The following IGSF10 variants were observed in gnomAD, a reference collection of about 807,000 sequenced individuals.
IGSF10 encodes the protein immunoglobulin superfamily member 10, also known as calvaria mechanical force protein 608.
In IGSF10, 126 loss-of-function variants were observed where a neutral mutation model predicts 128.2. The observed-to-expected ratio is 0.98, with a 90% CI of 0.85 to 1.14. IGSF10 has a LOEUF of 1.14. Ranked by LOEUF, IGSF10 falls within the 50% of genes most tolerant of loss-of-function variation. The pLI is 0.00. For synonymous variants in IGSF10, 1,185 were observed against 1,146.2 expected (o/e 1.03, Z -0.68); for missense variants, 3,295 against 3,149.8 (o/e 1.05, Z -1.10).
chr3:151,448,875 C>T lies in IGSF10; in HGVS notation c.1106G>A (p.Gly369Asp), dbSNP rs867458797. The T allele has an allele frequency of 3.1e-6, 5 of 1,614,084 alleles. No individual in the cohort carries two copies. The highest frequency in any genetic ancestry group is 1.3e-5 in the African/African-American group (1 of 74,938). ...AATTTGCCACACTGGCTGAATGTGA[C>T]CGTAATCTATGTTGCACACCAAAAA... ...STFLVCNIDY[G>D]HIQPVWQILA... Residue 369 changes from glycine to aspartate, a missense_variant, in exon 6 of 8, where the codon GGT (glycine) becomes GAT (aspartate). Coordinates refer to ENST00000282466, the MANE Select transcript of IGSF10 (RefSeq NM_178822.5).
chr3:151,534,628 G>C, the IGSF10 span, among the ~76,000 whole-genome samples: 2 of 151,546 alleles, frequency 1.3e-5, no homozygotes, highest in Non-Finnish European at 2.9e-5. Context: ...GTGGGGAGGG[G>C]GGTCATCACA....
rs530145250 is a variant in IGSF10 at position 151,447,774 on chromosome 3, C to T, written c.2207G>A (p.Arg736His). 19 of 1,614,114 alleles carry T rather than the reference C, an allele frequency of 1.2e-5. No individual in the cohort carries two copies. Among genetic ancestry groups the T allele is most frequent in the Admixed American group, 5.0e-5 (3 of 60,014 alleles). Residue 736 changes from arginine (R) to histidine (H), a missense_variant, in exon 6 of 8, where the codon CGT becomes CAT. By Grantham distance (29) the Arg-to-His change is conservative. Transcript: ENST00000282466. ...GAAATGCCTCCTATTCTCCCTAAAACGTCGATGTGTTGAATCTCCACGTCG... is the reference window on the plus strand; with the variant it reads ...GAAATGCCTCCTATTCTCCCTAAAATGTCGATGTGTTGAATCTCCACGTCG... The part of the protein sequence containing the change: ...LQRRGDSTHR[R>H]FRENRRHFPP...
rs1434746312 is a variant in IGSF10, at chr3:151,443,302, G to A, written c.5645C>T (p.Thr1882Ile). The A allele has an allele frequency of 3.7e-6, 6 of 1,613,956 alleles. No individual in the cohort carries two copies. Among genetic ancestry groups the A allele is most frequent in the Non-Finnish European group, 5.1e-6 (6 of 1,179,958 alleles). Residue 1882 changes from threonine to isoleucine, a missense_variant, in exon 7 of 8, where the codon ACT (threonine) becomes ATT (isoleucine). Thr to Ile is a moderately conservative substitution (Grantham distance 89, BLOSUM62 -1). Coordinates refer to ENST00000282466, the MANE Select transcript of IGSF10 (RefSeq NM_178822.5). ...PSVYWVLSDG[T>I]EVKPLQFTNS... Reference sequence around the variant, plus strand: ...GGTAAACTGTAATGGTTTCACTTCAGTGCCATCAGAGAGGACCCAGTAAAC... The same window carrying A: ...GGTAAACTGTAATGGTTTCACTTCAATGCCATCAGAGAGGACCCAGTAAAC...
the IGSF10 span, among the ~76,000 whole-genome samples, chr3:151,609,567 T>C: frequency 6.6e-6 from 1 of 152,046 alleles, no homozygotes; most frequent in African/African-American, 2.4e-5. Context: ...ACAGCACTAT[T>C]CACAATAGCA....
chr3:151,518,870 A>G, the IGSF10 span, among the ~76,000 whole-genome samples: 11 of 151,962 alleles, frequency 7.2e-5, no homozygotes, highest in East Asian at 2.1e-3. Context: ...GAGGCTCTAA[A>G]TTTGATAGAT....
chr3:151,565,439 T>C, the IGSF10 span, among the ~76,000 whole-genome samples: 10 of 152,142 alleles, frequency 6.6e-5, no homozygotes, highest in Non-Finnish European at 1.2e-4. Flanking sequence ...AGGTCTGGTT[T>C]ACTGGCATCC....
chr3:151,612,526 A>T, the IGSF10 span, among the ~76,000 whole-genome samples: 1 of 152,188 alleles, frequency 6.6e-6, no homozygotes, highest in Non-Finnish European at 1.5e-5. Context: ...GAGCAATAAG[A>T]GTATAGAAGT....
Position 151,436,876 on chromosome 3 carries a change from C to T in IGSF10, c.7685G>A (p.Trp2562Ter). The change falls in exon 8 of 8, where the codon TGG becomes TAG. Residue 2562 changes from tryptophan to a stop codon, truncating the protein, a stop_gained. Transcript: ENST00000282466. LOFTEE classifies it low-confidence loss of function (END_TRUNC). ...GAGAAGGGAGTGGTCAGGCATCTCC[C>T]ATGTGATTTCTGGCTTGGGAACTCC... is the stretch of plus-strand genomic sequence containing the variant. ...ALGVPKPEIT[W>*]EMPDHSLLST... is the part of the protein sequence containing the mutation. 6.2e-7 allele frequency: 1 copy of T among 1,614,116 alleles called. No homozygotes were observed. The highest frequency in any genetic ancestry group is 2.2e-5 in the East Asian group (1 of 44,878).
chr3:151,593,196 T>C, the IGSF10 span, among the ~76,000 whole-genome samples: 3 of 152,194 alleles, frequency 2.0e-5, no homozygotes, highest in Non-Finnish European at 2.9e-5. Flanking sequence ...AGGGACATGA[T>C]GATAGCTCAC....
the IGSF10 span, among the ~76,000 whole-genome samples, chr3:151,493,552 A>G: frequency 6.6e-6 from 1 of 152,178 alleles, no homozygotes; most frequent in Non-Finnish European, 1.5e-5. Flanking sequence ...TGCCTGCAGT[A>G]TTCAGTACAA....
At chr3:151,460,921 G>A (rs752305720) in intron 1 of IGSF10, 25 bp downstream of exon 1, 28 of 985,114 alleles carry the variant, frequency 2.8e-5, no homozygotes, top group Non-Finnish European at 3.4e-5. Flanking sequence ...GCCCTTTCCG[G>A]GGAAGGATTG....
At position 151,446,140 on chromosome 3, in the gene IGSF10, C is replaced by A; in HGVS notation, c.3841G>T (p.Gly1281Ter). Reference sequence around the variant, plus strand: ...AGCTCCTTCTTTGTTGGAAGACTTCCAGGATTGTGTGTTTTGGTCGTAGTG... The same window carrying A: ...AGCTCCTTCTTTGTTGGAAGACTTCAAGGATTGTGTGTTTTGGTCGTAGTG... ...HHTTTKTHNP[G>*]SLPTKKELPF... The change falls in exon 6 of 8, where the codon GGA becomes TGA. Residue 1281 changes from glycine to a stop codon, truncating the protein, a stop_gained. Coordinates refer to ENST00000282466, the MANE Select transcript of IGSF10 (RefSeq NM_178822.5). LOFTEE classifies it high-confidence loss of function. 5 of 1,614,082 alleles carry A rather than the reference C, an allele frequency of 3.1e-6. No individual in the cohort carries two copies. Among genetic ancestry groups the A allele is most frequent in the Non-Finnish European group, 4.2e-6 (5 of 1,180,030 alleles).
the IGSF10 span, among the ~76,000 whole-genome samples, chr3:151,491,187 A>AT: frequency 1.6e-4 from 24 of 152,320 alleles, no homozygotes; most frequent in East Asian, 4.6e-3. Context: ...CCTCAAAAAT[A>AT]AAAAGCATCA....
chr3:151,557,037 G>A, the IGSF10 span, among the ~76,000 whole-genome samples: 1 of 152,206 alleles, frequency 6.6e-6, no homozygotes, highest in Admixed American at 6.6e-5. Context: ...AAGGGGAGAA[G>A]GAGGATGAAG....
At chr3:151,513,796 C>T in the IGSF10 span, among the ~76,000 whole-genome samples, 7 of 152,128 alleles carry the variant, frequency 4.6e-5, no homozygotes, top group South Asian at 2.1e-4. Context: ...AATCAATGTA[C>T]AAAAATCACA....
the IGSF10 span, among the ~76,000 whole-genome samples, chr3:151,500,613 C>G: frequency 6.6e-6 from 1 of 152,132 alleles, no homozygotes; most frequent in African/African-American, 2.4e-5. Context: ...ACAATATCTA[C>G]AAGCAGGTAT....
At chr3:151,502,131 T>C in the IGSF10 span, among the ~76,000 whole-genome samples, 24 of 152,224 alleles carry the variant, frequency 1.6e-4, no homozygotes, top group African/African-American at 5.8e-4. Flanking sequence ...TGACTCTCCA[T>C]AGCCACGTTT....
chr3:151,451,737 A>G (rs1721518512), intron 5 of IGSF10, among the ~76,000 whole-genome samples: 1 of 152,238 alleles, frequency 6.6e-6, no homozygotes, highest in Non-Finnish European at 1.5e-5. Context: ...ACATATATTA[A>G]ATTTGCCTTT....
At chr3:151,609,869 A>T in the IGSF10 span, among the ~76,000 whole-genome samples, 1 of 152,142 alleles carries the variant, frequency 6.6e-6, no homozygotes, top group Non-Finnish European at 1.5e-5. Context: ...AGGAGCTGAT[A>T]ACTGTCTATT....
Sources: gnomAD v4.1 joint callset for allele counts (sites outside exome capture counted in the v4.1 genomes callset) on GRCh38, gnomAD v4.1.1 for gene constraint, MANE v1.5 for transcripts, NCBI Gene and HGNC (gene_info 2026-07-23, HGNC 2026-07-21) for gene names.